Variants in DAW1 observed in about 807,000 individuals in gnomAD.
DAW1 encodes dynein assembly factor with WD repeat domains 1.
Under a neutral mutation model 56.5 loss-of-function variants are expected in DAW1, and 47 were observed. The observed-to-expected ratio is 0.83, with a 90% CI of 0.66 to 1.06. The LOEUF (loss-of-function observed/expected upper bound fraction) is 1.06, where lower values mean the gene tolerates loss of function less well. Among genes scored for constraint, DAW1 ranks in the 50% least tolerant of loss-of-function variants. The probability of loss-of-function intolerance (pLI) is 0.00; values close to 1 mark genes in which losing one functional copy is unlikely to be tolerated. For missense variants in DAW1, 505 were observed against 499.3 expected (o/e 1.01, Z -0.11); for synonymous variants, 190 against 179.0 (o/e 1.06, Z -0.49).
intron 5 of DAW1, 70 bp from the exon 6 acceptor site, chr2:227,898,112 T>G (rs1244768626): frequency 1.0e-6 from 1 of 997,378 alleles, no homozygotes; most frequent in East Asian, 3.3e-5. Context: ...TGTATTAATA[T>G]CTCATCTTAG....
At chr2:227,883,793 A>G (rs1255314875) in intron 1 of DAW1, among the ~76,000 whole-genome samples, 1 of 152,248 alleles carries the variant, frequency 6.6e-6, no homozygotes, top group Non-Finnish European at 1.5e-5. Flanking sequence ...TTTTAGGGGC[A>G]AGAAAATATA....
At chr2:227,911,368 A>T (rs1470980353) in intron 10 of DAW1, among the ~76,000 whole-genome samples, 1 of 147,422 alleles carries the variant, frequency 6.8e-6, no homozygotes, top group Non-Finnish European at 1.5e-5. Flanking sequence ...AAAATTATAC[A>T]TGATTATATA....
intron 6 of DAW1, among the ~76,000 whole-genome samples, chr2:227,899,851 T>C (rs1011257961): frequency 6.6e-6 from 1 of 152,192 alleles, no homozygotes; most frequent in East Asian, 1.9e-4. Context: ...CTTGGAAATA[T>C]GTCTTGAGGA....
chr2:227,912,443 C>T (rs1691852200), intron 10 of DAW1: 1 of 1,304,680 alleles, frequency 7.7e-7, no homozygotes, highest in Non-Finnish European at 1.0e-6. Flanking sequence ...CTAAACTATG[C>T]CTGTGTCATC....
intron 1 of DAW1, among the ~76,000 whole-genome samples, chr2:227,882,177 C>T (rs148434249): frequency 2.7e-4 from 41 of 152,356 alleles, no homozygotes; most frequent in African/African-American, 9.4e-4. Flanking sequence ...AAACTATGGT[C>T]TATAGCAGTG....
At position 227,885,459 on chromosome 2, in the gene DAW1, A is replaced by T. The variant is rs539371882; in HGVS notation, c.113+36A>T. ...TGTAGGATTCAACAAATAAATGTTC[A>T]CTGGGAAGCCTTGACACAGAGTGAT... On this transcript the variant is annotated intron_variant, in intron 2 of 12. Coordinates refer to ENST00000309931, the MANE Select transcript of DAW1 (RefSeq NM_178821.3). The T allele has an allele frequency of 2.0e-6, 3 of 1,521,610 alleles. No homozygotes were observed. The Admixed American group carries it at 5.8e-5, about 29-fold the overall frequency. 94.3% of individuals were successfully genotyped at this position (1,521,610 alleles called of 1,614,324 possible).
At chr2:227,898,440 C>T (rs1249004520) in intron 6 of DAW1, among the ~76,000 whole-genome samples, 159 bp downstream of exon 6, 1 of 152,068 alleles carries the variant, frequency 6.6e-6, no homozygotes. Context: ...CCTGCCTCAG[C>T]CTCCCGAGTA....
At chr2:227,881,743 CTTTTTTTTTT>C (rs541800966) in intron 1 of DAW1, among the ~76,000 whole-genome samples, 57 of 78,642 alleles carry the variant, frequency 7.2e-4, no homozygotes, top group African/African-American at 2.7e-3. Context: ...CTGCCACATT[CTTTTTTTTTT>C]TTTTTTTTTT....
chr2:227,901,163 T>G (rs1305567164), intron 6 of DAW1, among the ~76,000 whole-genome samples: 15 of 152,088 alleles, frequency 9.9e-5, no homozygotes, highest in Admixed American at 9.8e-4. Flanking sequence ...AGACCTGTTG[T>G]AAAGATAGAT....
chr2:227,897,867 ATTAT>A (rs1379709824), intron 5 of DAW1, among the ~76,000 whole-genome samples: 2 of 152,138 alleles, frequency 1.3e-5, no homozygotes, highest in African/African-American at 4.8e-5. Context: ...CATACTATAC[ATTAT>A]TTATTTTAAT....
chr2:227,906,409 T>C, intron 9 of DAW1, 71 bp downstream of exon 9: 2 of 953,022 alleles, frequency 2.1e-6, no homozygotes, highest in Non-Finnish European at 3.0e-6. Flanking sequence ...ATATCCATTG[T>C]AACATTAACA....
intron 11 of DAW1, among the ~76,000 whole-genome samples, chr2:227,919,087 T>C (rs983188268): frequency 2.0e-5 from 3 of 151,618 alleles, no homozygotes; most frequent in Non-Finnish European, 4.4e-5. Context: ...TCCCATCTAC[T>C]GTGGAGGCTG....
intron 1 of DAW1, among the ~76,000 whole-genome samples, chr2:227,875,368 C>T (rs1423425360): frequency 6.6e-6 from 1 of 152,178 alleles, no homozygotes; most frequent in Non-Finnish European, 1.5e-5. Flanking sequence ...CTCTTCTGCT[C>T]CAGCCCTCCA....
At chr2:227,892,877 A>G (rs1245250495) in intron 4 of DAW1, among the ~76,000 whole-genome samples, 2 of 152,220 alleles carry the variant, frequency 1.3e-5, no homozygotes, top group African/African-American at 4.8e-5. Context: ...TTAATTGAAT[A>G]TTGAAGGAAT....
chr2:227,903,346 T>C (rs899136290), intron 7 of DAW1, among the ~76,000 whole-genome samples: 3 of 152,240 alleles, frequency 2.0e-5, no homozygotes, highest in African/African-American at 7.2e-5. Context: ...AACTATATCT[T>C]AGAACCCATC....
intron 1 of DAW1, among the ~76,000 whole-genome samples, chr2:227,877,059 C>G (rs1385878417): frequency 2.0e-5 from 3 of 152,094 alleles, no homozygotes; most frequent in African/African-American, 7.2e-5. Flanking sequence ...GGCTTCTTAC[C>G]TAAGTGTTTT....
Position 227,872,023 on chromosome 2 carries a change from C to T in DAW1, c.40+294C>T, listed in dbSNP as rs1199037199. 1.1e-5 allele frequency: 5 copies of T among 440,990 alleles called. No individual in the cohort carries two copies. The East Asian group carries it at 1.8e-4, about 16-fold the overall frequency. 27.3% of individuals were successfully genotyped at this position (440,990 alleles called of 1,614,324 possible). A position where few individuals can be genotyped will look rare whatever the true frequency, so the allele number is the denominator to read the frequency against. On this transcript the variant is annotated intron_variant, in intron 1 of 12. Transcript: ENST00000309931. ...CACGCTTTGTGCTCTCTGCTATGGACCTTTAAAGAAGTTCATAGTGCTTGA... is the reference window on the plus strand; with the variant it reads ...CACGCTTTGTGCTCTCTGCTATGGATCTTTAAAGAAGTTCATAGTGCTTGA...
chr2:227,872,858 G>A (rs1690789779), intron 1 of DAW1, among the ~76,000 whole-genome samples: 1 of 151,986 alleles, frequency 6.6e-6, no homozygotes, highest in Non-Finnish European at 1.5e-5. Context: ...ATTCCCTTTG[G>A]CTGAGCCACT....
intron 9 of DAW1, 79 bp from the exon 10 acceptor site, chr2:227,907,059 G>A: frequency 2.1e-6 from 2 of 940,296 alleles, no homozygotes; most frequent in Non-Finnish European, 3.2e-6. Flanking sequence ...AGCATGTCAT[G>A]AAGACCACTG....
Sources: allele counts gnomAD v4.1 joint callset (sites outside exome capture counted in the v4.1 genomes callset), GRCh38; gene constraint gnomAD v4.1.1; transcripts MANE v1.5; gene names NCBI Gene and HGNC (gene_info 2026-07-23, HGNC 2026-07-21).